Variants in STXBP5L observed in about 807,000 individuals in gnomAD.
STXBP5L encodes the protein syntaxin binding protein 5L, also known as syntaxin-binding protein 5-like.
Under a neutral mutation model 144.5 loss-of-function variants are expected in STXBP5L, and 65 were observed. The observed-to-expected ratio is 0.45, with a 90% CI of 0.37 to 0.55. The LOEUF (loss-of-function observed/expected upper bound fraction) is 0.55. Among genes scored for constraint, STXBP5L ranks in the 20% least tolerant of loss-of-function variants. The pLI, the probability that STXBP5L is intolerant of heterozygous loss-of-function variation, is 0.00. For missense variants in STXBP5L, 1,298 were observed against 1,405.5 expected (o/e 0.92, Z 1.22); for synonymous variants, 505 against 469.6 (o/e 1.08, Z -0.97).
At chr3:121,114,634 G>C (rs973928656) in intron 5 of STXBP5L, among the ~76,000 whole-genome samples, 1 of 152,072 alleles carries the variant, frequency 6.6e-6, no homozygotes, top group Non-Finnish European at 1.5e-5. Flanking sequence ...TTCAGCCACA[G>C]TTTCATTTTT....
chr3:121,193,849 G>A (rs1295546630), intron 9 of STXBP5L, among the ~76,000 whole-genome samples: 4 of 152,070 alleles, frequency 2.6e-5, no homozygotes, highest in Non-Finnish European at 5.9e-5. Context: ...GGGAGGGATA[G>A]CATTAGGAGA....
chr3:121,212,571 G>A (rs762608631), intron 10 of STXBP5L, among the ~76,000 whole-genome samples: 43 of 151,906 alleles, frequency 2.8e-4, no homozygotes, highest in African/African-American at 9.7e-4. Context: ...CCATTGGTCT[G>A]TATATCTGTT....
At chr3:121,177,676 G>A (rs766207692) in intron 9 of STXBP5L, among the ~76,000 whole-genome samples, 4 of 152,288 alleles carry the variant, frequency 2.6e-5, no homozygotes, top group Middle Eastern at 3.4e-3. Flanking sequence ...TGCACTGTTG[G>A]TGCAAATTTA....
intron 3 of STXBP5L, among the ~76,000 whole-genome samples, chr3:121,005,619 T>C (rs1158494207): frequency 3.9e-5 from 6 of 152,122 alleles, no homozygotes; most frequent in Admixed American, 6.6e-5. Flanking sequence ...GCTCTTGCTT[T>C]TCTAGTTCTT....
chr3:121,125,868 G>C (rs1027141611), intron 7 of STXBP5L, among the ~76,000 whole-genome samples: 3 of 152,122 alleles, frequency 2.0e-5, no homozygotes, highest in African/African-American at 7.2e-5. Context: ...ACCTCCCATG[G>C]AGAAAACCTT....
chr3:121,038,983 C>T (rs1162578732), intron 3 of STXBP5L, among the ~76,000 whole-genome samples: 1 of 151,560 alleles, frequency 6.6e-6, no homozygotes, highest in African/African-American at 2.4e-5. Flanking sequence ...TATATATTAA[C>T]CTATTTGTAT....
At chr3:121,332,357 A>G (rs1190958118) in intron 20 of STXBP5L, among the ~76,000 whole-genome samples, 1 of 151,182 alleles carries the variant, frequency 6.6e-6, no homozygotes, top group Non-Finnish European at 1.5e-5. Flanking sequence ...AAATTTAAAA[A>G]TAACAATTCA....
At chr3:121,138,318 A>C (rs1475150367) in intron 7 of STXBP5L, among the ~76,000 whole-genome samples, 2 of 152,090 alleles carry the variant, frequency 1.3e-5, no homozygotes, top group Non-Finnish European at 2.9e-5. Flanking sequence ...AATATAGTTA[A>C]AATATTTTTA....
At chr3:121,386,110 CAAT>C (rs1316009244) in intron 22 of STXBP5L, among the ~76,000 whole-genome samples, 1 of 151,974 alleles carries the variant, frequency 6.6e-6, no homozygotes, top group Admixed American at 6.6e-5. Context: ...AGAACTAATA[CAAT>C]AATAACATTG....
At chr3:121,297,202 ATGTGTGTGTGTGTGTGTGTGTGTG>A (rs71133526) in intron 19 of STXBP5L, among the ~76,000 whole-genome samples, 1 of 148,226 alleles carries the variant, frequency 6.7e-6, no homozygotes, top group Non-Finnish European at 1.5e-5. Flanking sequence ...TCTACATTAT[ATGTGTGTGTGTGTGTGTGTGTGTG>A]TGTGTGTGTG....
At chr3:121,039,919 TA>T (rs906114971) in intron 3 of STXBP5L, among the ~76,000 whole-genome samples, 2 of 151,920 alleles carry the variant, frequency 1.3e-5, no homozygotes, top group Non-Finnish European at 2.9e-5. Flanking sequence ...TGAATTTTTT[TA>T]AAAAAATCTC....
At chr3:121,305,354 G>A (rs1362402428) in intron 19 of STXBP5L, among the ~76,000 whole-genome samples, 7 of 152,118 alleles carry the variant, frequency 4.6e-5, no homozygotes, top group African/African-American at 1.4e-4. Flanking sequence ...CTTGACAAAG[G>A]CAGTACAATA....
intron 2 of STXBP5L, among the ~76,000 whole-genome samples, chr3:120,916,534 C>T (rs2107567625): frequency 6.6e-6 from 1 of 152,276 alleles, no homozygotes; most frequent in African/African-American, 2.4e-5. Flanking sequence ...CTCCTGACCT[C>T]AGGTGATCCG....
At chr3:120,984,926 GT>G (rs548385754) in intron 3 of STXBP5L, among the ~76,000 whole-genome samples, 1 of 151,722 alleles carries the variant, frequency 6.6e-6, no homozygotes, top group African/African-American at 2.4e-5. Flanking sequence ...GATGTTGTGT[GT>G]TTTTTCCCAT....
intron 20 of STXBP5L, among the ~76,000 whole-genome samples, chr3:121,334,900 A>G (rs1429177956): frequency 6.6e-6 from 1 of 152,218 alleles, no homozygotes; most frequent in Non-Finnish European, 1.5e-5. Context: ...GAAAACTGGC[A>G]CAAGTATGCT....
chr3:121,124,910 G>A (rs934193917), intron 7 of STXBP5L, among the ~76,000 whole-genome samples: 1 of 152,040 alleles, frequency 6.6e-6, no homozygotes, highest in Non-Finnish European at 1.5e-5. Context: ...TTGCTTTTAT[G>A]AAGTTAAAAA....
intron 3 of STXBP5L, among the ~76,000 whole-genome samples, chr3:121,006,539 A>G (rs899013445): frequency 6.6e-6 from 1 of 152,172 alleles, no homozygotes; most frequent in Admixed American, 6.5e-5. Flanking sequence ...TGGGGCATTT[A>G]GCCCATTTAC....
intron 8 of STXBP5L, 104 bp from the exon 9 acceptor site, chr3:121,157,400 T>G: frequency 8.3e-7 from 1 of 1,198,888 alleles, no homozygotes; most frequent in Non-Finnish European, 1.1e-6. Context: ...TAAGTGTTGT[T>G]AGTATAATAA....
intron 19 of STXBP5L, among the ~76,000 whole-genome samples, chr3:121,318,136 T>A (rs1434812758): frequency 6.6e-6 from 1 of 152,000 alleles, no homozygotes; most frequent in Non-Finnish European, 1.5e-5. Context: ...CTTCTCCTTA[T>A]TTTTTCCTGT....
Sources: gnomAD v4.1 joint callset for allele counts (sites outside exome capture counted in the v4.1 genomes callset) on GRCh38, gnomAD v4.1.1 for gene constraint, MANE v1.5 for transcripts, NCBI Gene and HGNC (gene_info 2026-07-23, HGNC 2026-07-21) for gene names.